The following UGT2A2 variants were observed in gnomAD, a reference collection of about 807,000 sequenced individuals.
UGT2A2 encodes the protein UDP-glucuronosyltransferase 2A2.
In UGT2A2, 60 loss-of-function variants were observed where a neutral mutation model predicts 50.7. The ratio of observed to expected loss-of-function variants is 1.18; its 90% CI spans 0.96 to 1.47. The LOEUF is 1.47. UGT2A2 is among the 40% of genes most tolerant of loss of function. The pLI is 0.00. For missense variants in UGT2A2, 762 were observed against 634.0 expected (o/e 1.20, Z -2.17); for synonymous variants, 242 against 214.6 (o/e 1.13, Z -1.11).
At position 69,588,790 on chromosome 4, in the gene UGT2A2, T is replaced by A. The variant is rs1361776280; in HGVS notation, c.*582A>T. On this transcript the variant is annotated 3_prime_UTR_variant, in exon 6 of 6. Transcript: ENST00000604629. ...TTTTCTAGATATGCTTAATGAAAAT[T>A]TTGTAGACATTTAATAGGGACGCAC... is the stretch of plus-strand genomic sequence containing the variant. The A allele has an allele frequency of 6.6e-6, 1 of 152,026 alleles. No individual in the cohort carries two copies. The highest frequency in any genetic ancestry group is 1.9e-4 in the East Asian group (1 of 5,172). The allele number at this position is 152,026 out of a possible 1,614,324, so 9.4% of individuals were successfully genotyped here. A position where few individuals can be genotyped will look rare whatever the true frequency, so the allele number is the denominator to read the frequency against.
chr4:69,618,207 G>GTATGTT (rs1260210138), intron 1 of UGT2A2, among the ~76,000 whole-genome samples: 165 of 72,772 alleles, frequency 2.3e-3, no homozygotes, highest in African/African-American at 3.9e-3. Flanking sequence ...GTGTGTGTGT[G>GTATGTT]TGTGTGTGTA....
At chr4:69,595,915 AC>A (rs1424459780) in intron 3 of UGT2A2, among the ~76,000 whole-genome samples, 1 of 152,208 alleles carries the variant, frequency 6.6e-6, no homozygotes, top group Non-Finnish European at 1.5e-5. Context: ...CATGGAGCTA[AC>A]AAACTTCAAA....
At position 69,616,118 on chromosome 4, in the gene UGT2A2, G is replaced by A. The variant is rs141576388; in HGVS notation, c.743-16724C>T. On this transcript the variant is annotated intron_variant, in intron 1 of 5. Coordinates refer to ENST00000604629, the MANE Select transcript of UGT2A2 (RefSeq NM_001105677.2). ...AAGTCAAATGAAATAAGCCAGGCGC[G>A]GAAAGACAAATATGCCGTGTTTTCA... 5.2e-3 allele frequency among the ~76,000 whole-genome samples: 794 copies of A among 151,858 alleles called. 9 individuals carry two copies. Among genetic ancestry groups the A allele is most frequent in the African/African-American group, 0.017 (722 of 41,464 alleles).
chr4:69,610,447 T>C (rs943774962), intron 1 of UGT2A2, among the ~76,000 whole-genome samples: 1 of 152,190 alleles, frequency 6.6e-6, no homozygotes, highest in African/African-American at 2.4e-5. Context: ...CTGTGTTATG[T>C]ATTACAAATA....
intron 1 of UGT2A2, among the ~76,000 whole-genome samples, chr4:69,623,412 TA>T (rs1184442699): frequency 1.3e-5 from 2 of 151,628 alleles, no homozygotes; most frequent in Non-Finnish European, 2.9e-5. Context: ...AGGCAGTGGA[TA>T]AAATGGGATA....
At chr4:69,636,838 T>A (rs1047028203) in intron 1 of UGT2A2, among the ~76,000 whole-genome samples, 2 of 152,134 alleles carry the variant, frequency 1.3e-5, no homozygotes, top group African/African-American at 4.8e-5. Flanking sequence ...TATAGTGAAA[T>A]TTTTAACCCT....
chr4:69,627,456 ACAGGCAAGCAGGCAGGCAGG>A (rs141398913), intron 1 of UGT2A2, among the ~76,000 whole-genome samples: 52,089 of 149,724 alleles, frequency 0.35, 9,410 homozygotes, highest in African/African-American at 0.43. Context: ...CCATAGGCAG[ACAGGCAAGCAGGCAGGCAGG>A]CAGGCAGGCA....
chr4:69,603,388 G>A (rs1719411422), intron 1 of UGT2A2, among the ~76,000 whole-genome samples: 1 of 136,762 alleles, frequency 7.3e-6, no homozygotes, highest in Admixed American at 7.2e-5. Context: ...ATAGTGATGG[G>A]ACAGCTCCTT....
At chr4:69,606,778 A>G in intron 1 of UGT2A2, among the ~76,000 whole-genome samples, 1 of 136,716 alleles carries the variant, frequency 7.3e-6, no homozygotes, top group Non-Finnish European at 1.6e-5. Context: ...TACACCAATA[A>G]CAGACAAACA....
chr4:69,636,791 A>G (rs1359775504), intron 1 of UGT2A2, among the ~76,000 whole-genome samples: 27 of 152,278 alleles, frequency 1.8e-4, no homozygotes, highest in Non-Finnish European at 2.9e-5. Context: ...TTGACATGGA[A>G]TAGCCACATA....
rs773613888 is a variant in UGT2A2, at chr4:69,629,005, A to G, written c.742+9894T>C. On this transcript the variant is annotated intron_variant, in intron 1 of 5. Transcript: ENST00000604629. ...AAGAGAAAGGGAGCCAGGTGATATC[A>G]GGTGATACATGGTTATACTCTTCTC... 3.2e-4 allele frequency among the ~76,000 whole-genome samples: 48 copies of G among 151,662 alleles called. 1 individual carries two copies. Among genetic ancestry groups the G allele is most frequent in the South Asian group, 1.7e-3 (8 of 4,762 alleles).
intron 1 of UGT2A2, among the ~76,000 whole-genome samples, chr4:69,628,696 G>C (rs1227766482): frequency 1.4e-5 from 2 of 146,948 alleles, no homozygotes; most frequent in East Asian, 2.0e-4. Context: ...AAAAATAAAA[G>C]CATTTTCTTT....
At position 69,601,982 on chromosome 4, in the gene UGT2A2, A is replaced by G. The variant is rs1719323271; in HGVS notation, c.743-2588T>C. 1.5e-5 allele frequency among the ~76,000 whole-genome samples: 2 copies of G among 137,244 alleles called. 1 individual carries two copies. Among genetic ancestry groups the G allele is most frequent in the Non-Finnish European group, 3.1e-5 (2 of 64,378 alleles). 90.0% of individuals were successfully genotyped at this position (137,244 alleles called of 152,430 possible). A position where few individuals can be genotyped will look rare whatever the true frequency, so the allele number is the denominator to read the frequency against. On this transcript the variant is annotated intron_variant, in intron 1 of 5. Coordinates refer to ENST00000604629, the MANE Select transcript of UGT2A2 (RefSeq NM_001105677.2). ...TAAGACAACTTGAATAATTAATATA[A>G]TCAAGAAAAAGTATATTATTGAAAT... is the stretch of plus-strand genomic sequence containing the variant.
intron 5 of UGT2A2, among the ~76,000 whole-genome samples, chr4:69,590,704 T>TAAA (rs1175135929): frequency 6.6e-6 from 1 of 152,032 alleles, no homozygotes; most frequent in Non-Finnish European, 1.5e-5. Context: ...AAGTAAGTAA[T>TAAA]TTCACATGGA....
intron 1 of UGT2A2, among the ~76,000 whole-genome samples, chr4:69,616,198 T>C (rs182619253): frequency 7.1e-4 from 107 of 150,642 alleles, no homozygotes; most frequent in African/African-American, 2.5e-3. Context: ...AGAGAAGATA[T>C]AGAGTAGAGA....
intron 1 of UGT2A2, among the ~76,000 whole-genome samples, chr4:69,600,504 A>C (rs1166507435): frequency 6.6e-6 from 1 of 152,230 alleles, no homozygotes; most frequent in Non-Finnish European, 1.5e-5. Flanking sequence ...GGCCACAGGC[A>C]CAAGAGATGG....
At position 69,592,793 on chromosome 4, in the gene UGT2A2, T is replaced by G. The variant is rs551848421; in HGVS notation, c.1331+1684A>C. On this transcript the variant is annotated intron_variant, in intron 5 of 5. Transcript: ENST00000604629. ...AGATAAAAAATGGAAATAAAAGGCA[T>G]TCAAAGAAATAATACAAAAAAAATT... Among the ~76,000 whole-genome samples, 7 of 151,750 alleles carry G rather than the reference T, an allele frequency of 4.6e-5. No individual in the cohort carries two copies. The East Asian group carries it at 1.4e-3, about 29-fold the overall frequency.
At chr4:69,618,207 G>GTC (rs1260210138) in intron 1 of UGT2A2, among the ~76,000 whole-genome samples, 4 of 72,718 alleles carry the variant, frequency 5.5e-5, no homozygotes, top group Non-Finnish European at 1.3e-4. Context: ...GTGTGTGTGT[G>GTC]TGTGTGTGTA....
chr4:69,620,838 C>T (rs1720710712), intron 1 of UGT2A2, among the ~76,000 whole-genome samples: 1 of 151,674 alleles, frequency 6.6e-6, no homozygotes, highest in African/African-American at 2.4e-5. Context: ...AATAAGGCTA[C>T]ACACCTAACA....
Sources: allele counts gnomAD v4.1 joint callset (sites outside exome capture counted in the v4.1 genomes callset), GRCh38; gene constraint gnomAD v4.1.1; transcripts MANE v1.5; gene names NCBI Gene and HGNC (gene_info 2026-07-23, HGNC 2026-07-21).